Variants in GLYATL3 observed in about 807,000 individuals in gnomAD.
GLYATL3 encodes glycine N-acyltransferase-like protein 3.
Under a neutral mutation model 28.5 loss-of-function variants are expected in GLYATL3, and 31 were observed. That is an observed-to-expected ratio of 1.09 (90% confidence interval 0.82 to 1.47). The LOEUF (loss-of-function observed/expected upper bound fraction) is 1.47, where lower values mean the gene tolerates loss of function less well. Ranked by LOEUF, GLYATL3 falls within the 40% of genes most tolerant of loss-of-function variation. GLYATL3 has a pLI of 0.00. For missense variants in GLYATL3, 369 were observed against 351.5 expected, an observed-to-expected ratio of 1.05 and a Z score of -0.40; for synonymous variants, 141 against 140.2, an observed-to-expected ratio of 1.01 and a Z score of -0.04.
At chr6:49,508,250 C>G (rs577323469) in intron 1 of GLYATL3, among the ~76,000 whole-genome samples, 2 of 152,212 alleles carry the variant, frequency 1.3e-5, no homozygotes, top group East Asian at 3.9e-4. Context: ...GAGCCGAGAT[C>G]GCACCACTGC....
chr6:49,522,245 A>G (rs1302729328), intron 5 of GLYATL3, among the ~76,000 whole-genome samples: 2 of 152,088 alleles, frequency 1.3e-5, no homozygotes, highest in African/African-American at 4.8e-5. Context: ...GTGAAGTAGG[A>G]CTATTATTAT....
intron 3 of GLYATL3, 143 bp from the exon 4 acceptor site, chr6:49,517,279 CCCATTTAG>C (rs1267388499): frequency 6.4e-6 from 3 of 471,670 alleles, no homozygotes; most frequent in African/African-American, 6.0e-5. Context: ...TAGCCCCATT[CCCATTTAG>C]CCATTGCTTT....
In GLYATL3 at chr6:49,517,534, G is replaced by T; in HGVS notation, c.291G>T (p.Trp97Cys). The change falls in exon 4 of 6, where the codon TGG becomes TGT. Residue 97 changes from tryptophan (W) to cysteine (C), a missense_variant. Transcript: ENST00000371197. ...TGGAAGAATGTGATGTTTTTAACTG[G>T]GACCAAGTTTTTCAAATACAAGGTG... is the stretch of plus-strand genomic sequence containing the variant. ...QLLEECDVFN[W>C]DQVFQIQGLQ... is the part of the protein sequence containing the mutation. 1 of 1,550,360 alleles carries T rather than the reference G, an allele frequency of 6.5e-7. No individual in the cohort carries two copies. Among genetic ancestry groups the T allele is most frequent in the South Asian group, 1.2e-5 (1 of 83,644 alleles).
chr6:49,503,486 T>C (rs541276860), intron 1 of GLYATL3, among the ~76,000 whole-genome samples: 64 of 152,238 alleles, frequency 4.2e-4, no homozygotes, highest in Admixed American at 8.5e-4. Context: ...TATGATATAA[T>C]AGGGGAGGGT....
At chr6:49,516,744 T>C (rs1482205082) in intron 3 of GLYATL3, among the ~76,000 whole-genome samples, 1 of 151,984 alleles carries the variant, frequency 6.6e-6, no homozygotes, top group Non-Finnish European at 1.5e-5. Flanking sequence ...CAGTCAGCTA[T>C]GATTTCACCA....
At chr6:49,523,101 G>A (rs1457234426) in intron 5 of GLYATL3, among the ~76,000 whole-genome samples, 3 of 152,044 alleles carry the variant, frequency 2.0e-5, no homozygotes, top group African/African-American at 4.8e-5. Flanking sequence ...ATATACTCAC[G>A]GCTATGATTG....
chr6:49,525,849 A>G lies in GLYATL3; in HGVS notation c.441-639A>G, dbSNP rs78437305. Among the ~76,000 whole-genome samples the G allele has an allele frequency of 2.8e-3, 431 of 152,278 alleles. 11 individuals carry two copies. The East Asian group carries it at 0.071, about 25-fold the overall frequency. ...TTGGTTTTGTGTCAAGTTAGGTTGC[A>G]GTTCAACACGCGGGGACTCAAGGTA... On this transcript the variant is annotated intron_variant, in intron 5 of 5. Coordinates refer to ENST00000371197, the MANE Select transcript of GLYATL3 (RefSeq NM_001010904.2).
intron 2 of GLYATL3, 22 bp downstream of exon 2, chr6:49,512,090 T>C (rs954749618): frequency 9.7e-7 from 1 of 1,032,810 alleles, no homozygotes; most frequent in Non-Finnish European, 1.4e-6. Flanking sequence ...TTAATAATTT[T>C]ATTTTATTTC....
At chr6:49,501,156 T>C (rs577046486) in intron 1 of GLYATL3, among the ~76,000 whole-genome samples, 20 of 152,240 alleles carry the variant, frequency 1.3e-4, no homozygotes, top group Non-Finnish European at 2.2e-4. Flanking sequence ...TCCCAGCACT[T>C]TGGGGGGCCA....
chr6:49,501,059 T>C (rs937966132), intron 1 of GLYATL3, among the ~76,000 whole-genome samples: 1 of 152,170 alleles, frequency 6.6e-6, no homozygotes, highest in Admixed American at 6.5e-5. Flanking sequence ...TGCATGAGTA[T>C]AGTCTAGAAG....
At chr6:49,513,109 GA>G (rs1271264030) in intron 2 of GLYATL3, among the ~76,000 whole-genome samples, 1 of 152,034 alleles carries the variant, frequency 6.6e-6, no homozygotes, top group Non-Finnish European at 1.5e-5. Flanking sequence ...CAGAGATAAT[GA>G]AAAAAATTTC....
rs79034222 is a variant in GLYATL3 at position 49,509,650 on chromosome 6, T to G, written c.-28-2313T>G. 2.9e-3 allele frequency among the ~76,000 whole-genome samples: 449 copies of G among 152,324 alleles called. 3 individuals are homozygous for G. Among genetic ancestry groups the G allele is most frequent in the African/African-American group, 0.01 (435 of 41,574 alleles). ...CCCTGTTCAACCTTAGCTGGAAACATGTGAGTTAGGAAACCCAGTTCTTTT... is the reference window on the plus strand; with the variant it reads ...CCCTGTTCAACCTTAGCTGGAAACAGGTGAGTTAGGAAACCCAGTTCTTTT... On this transcript the variant is annotated intron_variant, in intron 1 of 5. Transcript: ENST00000371197.
At chr6:49,504,124 G>C (rs1184004525) in intron 1 of GLYATL3, among the ~76,000 whole-genome samples, 1 of 152,178 alleles carries the variant, frequency 6.6e-6, no homozygotes, top group Admixed American at 6.5e-5. Flanking sequence ...TCAGGAGGAG[G>C]CAGAGGTTGA....
At chr6:49,506,032 G>A (rs909650844) in intron 1 of GLYATL3, among the ~76,000 whole-genome samples, 4 of 152,196 alleles carry the variant, frequency 2.6e-5, no homozygotes, top group African/African-American at 7.2e-5. Context: ...AAATAGATGA[G>A]ATAATGCATA....
Position 49,513,520 on chromosome 6 carries a change from T to C in GLYATL3, c.78+1452T>C, listed in dbSNP as rs148751553. Among the ~76,000 whole-genome samples the C allele has an allele frequency of 5.9e-3, 903 of 152,330 alleles. 6 individuals carry two copies. The highest frequency in any genetic ancestry group is 9.5e-3 in the Non-Finnish European group (646 of 68,030). On this transcript the variant is annotated intron_variant, in intron 2 of 5. Coordinates refer to ENST00000371197, the MANE Select transcript of GLYATL3 (RefSeq NM_001010904.2). ...GCATTCCAATCATATTTAGGTTACA[T>C]TCTTGAGTAAGAATGTATAGTTTCC...
At chr6:49,500,754 C>T (rs1186132830) in intron 1 of GLYATL3, among the ~76,000 whole-genome samples, 1 of 152,162 alleles carries the variant, frequency 6.6e-6, no homozygotes, top group Admixed American at 6.5e-5. Context: ...ATGGACAGTA[C>T]TAATCAAGTG....
chr6:49,522,181 G>A (rs939085388), intron 5 of GLYATL3, among the ~76,000 whole-genome samples: 1 of 152,002 alleles, frequency 6.6e-6, no homozygotes, highest in Admixed American at 6.6e-5. Context: ...GCTCTTATGT[G>A]TCAGGGACTA....
Position 49,515,847 on chromosome 6 carries a change from T to C in GLYATL3, c.186+87T>C, listed in dbSNP as rs1009819853. ...TGGTATTTTATAATCATAGTAGCCA[T>C]TTACATTAGCTTACAACACTGTTTC... is the stretch of plus-strand genomic sequence containing the variant. On this transcript the variant is annotated intron_variant, in intron 3 of 5. Coordinates refer to ENST00000371197, the MANE Select transcript of GLYATL3 (RefSeq NM_001010904.2). The C allele has an allele frequency of 1.7e-5, 13 of 754,540 alleles. No homozygotes were observed. In the African/African-American group the frequency reaches 2.3e-4, roughly 13 times the overall value. The allele number at this position is 754,540 out of a possible 1,614,324, so 46.7% of individuals were successfully genotyped here.
At chr6:49,502,147 A>C (rs1417097430) in intron 1 of GLYATL3, among the ~76,000 whole-genome samples, 2 of 152,242 alleles carry the variant, frequency 1.3e-5, no homozygotes, top group African/African-American at 2.4e-5. Context: ...TCTCTGATTT[A>C]AATGAACCAT....
Sources: allele counts gnomAD v4.1 joint callset (sites outside exome capture counted in the v4.1 genomes callset), GRCh38; gene constraint gnomAD v4.1.1; transcripts MANE v1.5; gene names NCBI Gene and HGNC (gene_info 2026-07-23, HGNC 2026-07-21).